Variants in DHX34 observed in about 807,000 individuals in gnomAD.
DHX34 encodes DExH-box helicase 34, also known as probable ATP-dependent RNA helicase DHX34.
Under a neutral mutation model 111.1 loss-of-function variants are expected in DHX34, and 96 were observed. The ratio of observed to expected loss-of-function variants is 0.86; its 90% CI spans 0.73 to 1.02. The LOEUF is 1.02. Among genes scored for constraint, DHX34 ranks in the 50% least tolerant of loss-of-function variants. The pLI, the probability that DHX34 is intolerant of heterozygous loss-of-function variation, is 0.00. For synonymous variants in DHX34, 688 were observed against 670.4 expected (o/e 1.03, Z -0.41); for missense variants, 1,560 against 1,579.9 (o/e 0.99, Z 0.21).
intron 13 of DHX34, 115 bp downstream of exon 13, chr19:47,377,321 G>C: frequency 3.7e-6 from 4 of 1,089,254 alleles, no homozygotes; most frequent in South Asian, 3.0e-5. Context: ...TGGGCTGGCC[G>C]CAGGCGTCAG....
In DHX34 at chr19:47,358,073, G is replaced by A. The variant is rs532757811; in HGVS notation, c.1225G>A (p.Val409Met). Residue 409 changes from valine to methionine, a missense_variant, in exon 4 of 17, where the codon GTG (valine) becomes ATG (methionine). Physicochemically the swap from Val to Met is conservative, Grantham distance 21. Coordinates refer to ENST00000328771, the MANE Select transcript of DHX34 (RefSeq NM_014681.6). ...CTATGCCAGCCACACCCAGCGCTGG[G>A]TGGTACTGCCACTGCACAGCGCCCT... ...QTYASHTQRW[V>M]VLPLHSALSV... The A allele has an allele frequency of 7.6e-5, 123 of 1,612,994 alleles. 2 individuals carry two copies. The South Asian group carries it at 1.3e-3, about 17-fold the overall frequency.
In DHX34 at chr19:47,375,915, T is replaced by G. The variant is rs765037837; in HGVS notation, c.2308-9T>G. 1 of 1,595,238 alleles carries G rather than the reference T, an allele frequency of 6.3e-7. No homozygotes were observed. The highest frequency in any genetic ancestry group is 8.5e-7 in the Non-Finnish European group (1 of 1,174,932). ...CCCCTAAGACTCTGCCTCCCCGTGCTCCCCCCAGGATGTGAAGTTCAAGCT... is the reference window on the plus strand; with the variant it reads ...CCCCTAAGACTCTGCCTCCCCGTGCGCCCCCCAGGATGTGAAGTTCAAGCT... On this transcript the variant is annotated splice_polypyrimidine_tract_variant and intron_variant, in intron 10 of 16. Coordinates refer to ENST00000328771, the MANE Select transcript of DHX34 (RefSeq NM_014681.6).
intron 13 of DHX34, 27 bp from the exon 14 acceptor site, chr19:47,379,683 C>G: frequency 6.4e-7 from 1 of 1,574,708 alleles, no homozygotes. Flanking sequence ...CCCACCTACT[C>G]CCTGTCTTCT....
Position 47,382,565 on chromosome 19 carries a change from A to AG in DHX34, c.*458dup, listed in dbSNP as rs1363622295. On this transcript the variant is annotated 3_prime_UTR_variant, in exon 17 of 17. Transcript: ENST00000328771. ...ACCTGGGTCACTTTGAGAGTTGTGC[A>AG]GGGGGGCTGGGAGCACTGGTGTTCA... The AG allele has an allele frequency of 1.2e-5, 2 of 162,936 alleles. No homozygotes were observed. Among genetic ancestry groups the AG allele is most frequent in the African/African-American group, 2.4e-5 (1 of 41,612 alleles). 10.1% of individuals were successfully genotyped at this position (162,936 alleles called of 1,614,324 possible).
chr19:47,368,712 A>G (rs919907928), intron 7 of DHX34, among the ~76,000 whole-genome samples: 3 of 145,106 alleles, frequency 2.1e-5, no homozygotes, highest in Non-Finnish European at 4.5e-5. Flanking sequence ...ACACATATAT[A>G]TATGTTTTTT....
chr19:47,381,635 T>G (rs2122392832), intron 16 of DHX34: 2 of 582,786 alleles, frequency 3.4e-6, no homozygotes, highest in East Asian at 6.1e-5. Flanking sequence ...TATCTCTGCC[T>G]TGGTCACCTC....
At chr19:47,374,220 C>G (rs970996040) in intron 9 of DHX34, among the ~76,000 whole-genome samples, 3 of 151,998 alleles carry the variant, frequency 2.0e-5, no homozygotes, top group African/African-American at 7.2e-5. Flanking sequence ...GGGTGGATCA[C>G]GAGGTCAGGA....
chr19:47,355,332 G>T lies in DHX34; in HGVS notation c.999G>T (p.Gly333=). The T allele has an allele frequency of 6.2e-7, 1 of 1,613,232 alleles. No homozygotes were observed. The highest frequency in any genetic ancestry group is 8.5e-7 in the Non-Finnish European group (1 of 1,179,224). ...ATGCCCCTGTGGTACAGGTGCCTGG[G>T]AGGCTGTTCCCCATCACGGTGAGTA... ...FSNAPVVQVP[G]RLFPITVVYQ... The change falls in exon 3 of 17, where the codon GGG becomes GGT. Residue 333 remains glycine (G), a synonymous_variant. Transcript: ENST00000328771.
chr19:47,381,966 T>G lies in DHX34; in HGVS notation c.3299-14T>G, dbSNP rs781177039. ...GAACACGCCCCTCACAGCCTCCTCC[T>G]TTTCCTCCCTTAGGGGCTGAGGAAG... is the stretch of plus-strand genomic sequence containing the variant. On this transcript the variant is annotated splice_polypyrimidine_tract_variant and intron_variant, in intron 16 of 16. Transcript: ENST00000328771. 1 of 1,613,846 alleles carries G rather than the reference T, an allele frequency of 6.2e-7. No individual in the cohort carries two copies. The highest frequency in any genetic ancestry group is 8.5e-7 in the Non-Finnish European group (1 of 1,179,852).
At chr19:47,358,234 A>G in intron 4 of DHX34, 114 bp downstream of exon 4, 4 of 1,455,810 alleles carry the variant, frequency 2.7e-6, no homozygotes, top group Non-Finnish European at 3.6e-6. Flanking sequence ...TACTTGTGCA[A>G]AGTCGTAGCC....
intron 13 of DHX34, 46 bp from the exon 14 acceptor site, chr19:47,379,664 C>T (rs1455329306): frequency 1.9e-6 from 3 of 1,554,440 alleles, no homozygotes; most frequent in Admixed American, 1.7e-5. Context: ...CCAATAGCGC[C>T]CTGCCCCTCC....
chr19:47,355,663 A>G (rs1399327077), intron 3 of DHX34, among the ~76,000 whole-genome samples: 2 of 152,080 alleles, frequency 1.3e-5, no homozygotes, highest in Non-Finnish European at 2.9e-5. Context: ...CCTGGCTAAC[A>G]TGGTGAAACC....
Position 47,371,058 on chromosome 19 carries a change from T to C in DHX34, c.1769-1672T>C, listed in dbSNP as rs549191318. ...AAGAATGTTCTGTGAGCTCTTGCTG[T>C]GTGCCGGCGAAAGGCTCTGTGGACT... On this transcript the variant is annotated intron_variant, in intron 7 of 16. Transcript: ENST00000328771. Among the ~76,000 whole-genome samples, 6 of 152,350 alleles carry C rather than the reference T, an allele frequency of 3.9e-5. No homozygotes were observed. The South Asian group carries it at 1.2e-3, about 32-fold the overall frequency.
At chr19:47,358,847 C>T (rs1266339163) in intron 4 of DHX34, among the ~76,000 whole-genome samples, 4 of 152,160 alleles carry the variant, frequency 2.6e-5, no homozygotes, top group African/African-American at 7.2e-5. Context: ...AACTCCTGAC[C>T]TCAAGTGATC....
At chr19:47,362,719 A>C in intron 6 of DHX34, 26 bp downstream of exon 6, 1 of 1,573,340 alleles carries the variant, frequency 6.4e-7, no homozygotes, top group African/African-American at 1.4e-5. Context: ...AAAGGGGACT[A>C]TATCCTAACT....
At position 47,380,724 on chromosome 19, in the gene DHX34, C is replaced by T. The variant is rs73556093; in HGVS notation, c.2983-92C>T. On this transcript the variant is annotated intron_variant, in intron 14 of 16. Coordinates refer to ENST00000328771, the MANE Select transcript of DHX34 (RefSeq NM_014681.6). ...ACTTGGCTCCCGTAACTGCAAAGCC[C>T]GAGGGAGGGCTTCAGGCACAGCTGG... The T allele has an allele frequency of 1.6e-3, 2,424 of 1,559,034 alleles. 27 individuals are homozygous for T. In the African/African-American group the frequency reaches 0.027, roughly 17 times the overall value.
chr19:47,374,146 T>C (rs1970059805), intron 9 of DHX34, among the ~76,000 whole-genome samples: 1 of 152,050 alleles, frequency 6.6e-6, no homozygotes, highest in African/African-American at 2.4e-5. Context: ...AGGATAAAAA[T>C]AGCACTTGCC....
At chr19:47,356,174 A>G (rs1260042958) in intron 3 of DHX34, among the ~76,000 whole-genome samples, 1 of 152,178 alleles carries the variant, frequency 6.6e-6, no homozygotes, top group East Asian at 1.9e-4. Context: ...GTCTCCAGAC[A>G]TTGCCATATG....
Position 47,375,480 on chromosome 19 carries a change from C to T in DHX34, c.2079C>T (p.Asp693=). Residue 693 remains aspartate (D), a synonymous_variant, in exon 10 of 17, where the codon GAC becomes GAT. Coordinates refer to ENST00000328771, the MANE Select transcript of DHX34 (RefSeq NM_014681.6). ...LRRQFKELLE[D]HGLLAGAQAA... is the part of the protein sequence containing the mutation. Reference sequence around the variant, plus strand: ...CCTGCCCCTAGGAGCTGTTGGAGGACCACGGGCTGCTGGCTGGGGCCCAGG... The same window carrying T: ...CCTGCCCCTAGGAGCTGTTGGAGGATCACGGGCTGCTGGCTGGGGCCCAGG... 1.3e-6 allele frequency: 2 copies of T among 1,581,582 alleles called. No individual in the cohort carries two copies. Among genetic ancestry groups the T allele is most frequent in the Non-Finnish European group, 1.7e-6 (2 of 1,170,788 alleles).
Sources: allele counts gnomAD v4.1 joint callset (sites outside exome capture counted in the v4.1 genomes callset), GRCh38; gene constraint gnomAD v4.1.1; transcripts MANE v1.5; gene names NCBI Gene and HGNC (gene_info 2026-07-23, HGNC 2026-07-21).